The following GLI3 variants were observed in gnomAD, a reference collection of about 807,000 sequenced individuals.
GLI3 encodes transcription activator GLI3.
Under a neutral mutation model 100.8 loss-of-function variants are expected in GLI3, and 20 were observed. That is an observed-to-expected ratio of 0.20 (90% CI 0.14 to 0.29). The LOEUF is 0.29. Among genes scored for constraint, GLI3 ranks in the 10% least tolerant of loss-of-function variants. The probability of loss-of-function intolerance (pLI) is 1.00; values close to 1 mark genes in which losing one functional copy is unlikely to be tolerated. For synonymous variants in GLI3, 938 were observed against 860.5 expected (o/e 1.09, Z -1.58); for missense variants, 2,040 against 2,128.5 (o/e 0.96, Z 0.82).
At chr7:42,092,208 T>C (rs1229733064) in intron 3 of GLI3, among the ~76,000 whole-genome samples, 1 of 152,160 alleles carries the variant, frequency 6.6e-6, no homozygotes, top group African/African-American at 2.4e-5. Context: ...CACACCTTTT[T>C]CTCTGCAAAT....
intron 3 of GLI3, among the ~76,000 whole-genome samples, chr7:42,117,621 G>T (rs978768146): frequency 6.6e-6 from 1 of 152,184 alleles, no homozygotes; most frequent in East Asian, 1.9e-4. Context: ...GCCAGGACTC[G>T]TTAGTGAAAA....
Position 42,215,025 on chromosome 7 carries a change from A to T in GLI3, c.124+8105T>A, listed in dbSNP as rs190477100. On this transcript the variant is annotated intron_variant, in intron 2 of 14. Transcript: ENST00000395925. Reference sequence around the variant, plus strand: ...TTTGCTAACAGGACCCAGAAGAAACAGGTTTTTTGTTTGTTTGTTTGTTTT... The same window carrying T: ...TTTGCTAACAGGACCCAGAAGAAACTGGTTTTTTGTTTGTTTGTTTGTTTT... Among the ~76,000 whole-genome samples the T allele has an allele frequency of 1.1e-4, 16 of 152,330 alleles. No homozygotes were observed. The East Asian group carries it at 3.1e-3, about 29-fold the overall frequency.
chr7:42,172,726 GT>G (rs996649638), intron 2 of GLI3: 11 of 673,146 alleles, frequency 1.6e-5, no homozygotes, highest in Admixed American at 1.3e-4. Flanking sequence ...GGAGCTGAGA[GT>G]TTTCCGTGAG....
intron 2 of GLI3, among the ~76,000 whole-genome samples, chr7:42,210,571 T>C (rs377669010): frequency 6.6e-6 from 1 of 152,132 alleles, no homozygotes; most frequent in Admixed American, 6.5e-5. Context: ...GCTAATATTA[T>C]CACTTCTTTA....
At chr7:42,189,088 T>C (rs1486073992) in intron 2 of GLI3, among the ~76,000 whole-genome samples, 1 of 152,050 alleles carries the variant, frequency 6.6e-6, no homozygotes, top group African/African-American at 2.4e-5. Flanking sequence ...GTTGTGGCTG[T>C]GTGGGGGCAG....
intron 3 of GLI3, among the ~76,000 whole-genome samples, chr7:42,129,563 C>A (rs553836410): frequency 4.6e-5 from 7 of 152,274 alleles, no homozygotes; most frequent in Admixed American, 4.6e-4. Flanking sequence ...GTAATCCCAG[C>A]ACTTTGGGAG....
In GLI3 at chr7:41,977,614, C is replaced by G. The variant is rs773772130; in HGVS notation, c.1756G>C (p.Ala586Pro). 3 of 1,614,210 alleles carry G rather than the reference C, an allele frequency of 1.9e-6. No homozygotes were observed. Among genetic ancestry groups the G allele is most frequent in the East Asian group, 2.2e-5 (1 of 44,886 alleles). Residue 586 changes from alanine (A) to proline (P), a missense_variant, in exon 12 of 15, where the codon GCT (alanine) becomes CCT (proline). Ala to Pro is a conservative substitution (Grantham distance 27). Around this residue, in one of 5 missense-constraint regions of GLI3, gnomAD observed 61 missense variants for 150.9 expected, o/e 0.40. Coordinates refer to ENST00000395925, the MANE Select transcript of GLI3 (RefSeq NM_000168.6). ...YVCEHEGCNK[A>P]FSNASDRAKH... ...GCGCGATCAGAGGCATTTGAGAAAG[C>G]CTTGTTGCAACCTTCGTGCTCACAG...
intron 7 of GLI3, 144 bp downstream of exon 7, chr7:42,039,894 G>T (rs1328267200): frequency 1.6e-5 from 11 of 694,126 alleles, no homozygotes; most frequent in Non-Finnish European, 2.3e-5. Context: ...TGTGATATTT[G>T]ACCTGCCTCT....
At chr7:42,132,578 A>T (rs756218211) in intron 3 of GLI3, among the ~76,000 whole-genome samples, 1 of 152,238 alleles carries the variant, frequency 6.6e-6, no homozygotes, top group Non-Finnish European at 1.5e-5. Context: ...ATAGAAAAAA[A>T]AAGTTTGGCT....
At chr7:42,019,836 T>A (rs1788886087) in intron 10 of GLI3, among the ~76,000 whole-genome samples, 2 of 152,194 alleles carry the variant, frequency 1.3e-5, no homozygotes, top group African/African-American at 4.8e-5. Flanking sequence ...TCCTCTTGCT[T>A]TTTTGTTTCC....
At chr7:41,998,720 C>T (rs1053665084) in intron 10 of GLI3, among the ~76,000 whole-genome samples, 3 of 152,190 alleles carry the variant, frequency 2.0e-5, no homozygotes, top group Admixed American at 1.3e-4. Flanking sequence ...AATGCACAAG[C>T]TATGGATATT....
At chr7:42,179,368 G>A (rs1375654427) in intron 2 of GLI3, among the ~76,000 whole-genome samples, 3 of 152,148 alleles carry the variant, frequency 2.0e-5, no homozygotes, top group African/African-American at 7.2e-5. Flanking sequence ...GAGGGAAGGC[G>A]TGGGTGGGCA....
chr7:42,103,729 A>G (rs566092078), intron 3 of GLI3, among the ~76,000 whole-genome samples: 1 of 118,040 alleles, frequency 8.5e-6, no homozygotes, highest in South Asian at 3.2e-4. Flanking sequence ...TAAAGACACT[A>G]AATCACCTAT....
intron 2 of GLI3, among the ~76,000 whole-genome samples, chr7:42,167,523 A>G (rs755029668): frequency 1.3e-5 from 2 of 152,222 alleles, no homozygotes; most frequent in South Asian, 4.1e-4. Context: ...GGAATTACTG[A>G]TAAATTTTAA....
At chr7:42,055,619 C>T (rs1583516015) in intron 4 of GLI3, among the ~76,000 whole-genome samples, 3 of 152,234 alleles carry the variant, frequency 2.0e-5, no homozygotes. Context: ...TTTACTATTA[C>T]TTGTTTGTCC....
intron 3 of GLI3, among the ~76,000 whole-genome samples, chr7:42,111,629 C>T (rs199530255): frequency 2.6e-5 from 4 of 152,244 alleles, no homozygotes; most frequent in East Asian, 1.9e-4. Flanking sequence ...GAAAATGTTT[C>T]AAATAGCCAA....
In GLI3 at chr7:42,053,853, G is replaced by A. The variant is rs1006136337; in HGVS notation, c.474-5157C>T. Among the ~76,000 whole-genome samples, 12 of 152,184 alleles carry A rather than the reference G, an allele frequency of 7.9e-5. 1 individual carries two copies. The highest frequency in any genetic ancestry group is 2.4e-4 in the African/African-American group (10 of 41,446). On this transcript the variant is annotated intron_variant, in intron 4 of 14. Transcript: ENST00000395925. ...AAAAGAGTATAGAAATATGCCTGTG[G>A]CCCTCCAAACTAAATCTGACAAACT... is the stretch of plus-strand genomic sequence containing the variant.
intron 6 of GLI3, among the ~76,000 whole-genome samples, chr7:42,044,151 C>A (rs1784197707): frequency 1.3e-5 from 2 of 152,122 alleles, no homozygotes; most frequent in African/African-American, 2.4e-5. Flanking sequence ...AGACTCAGGA[C>A]TAAATAACTA....
intron 3 of GLI3, among the ~76,000 whole-genome samples, chr7:42,122,274 C>G (rs1786020809): frequency 7.3e-6 from 1 of 136,076 alleles, no homozygotes. Context: ...CACAGTCTTT[C>G]CAGTTATAAA....
Sources: allele counts gnomAD v4.1 joint callset (sites outside exome capture counted in the v4.1 genomes callset), GRCh38; gene constraint gnomAD v4.1.1; regional missense constraint gnomAD v4.1.1; transcripts MANE v1.5; gene names NCBI Gene and HGNC (gene_info 2026-07-23, HGNC 2026-07-21).